The following LRRC28 variants were observed in gnomAD, a reference collection of about 807,000 sequenced individuals.
LRRC28 encodes the protein leucine rich repeat containing 28, also known as leucine-rich repeat-containing protein 28.
A neutral mutation model predicts 45.7 loss-of-function variants in LRRC28; 39 were observed. That is an observed-to-expected ratio of 0.85 (90% CI 0.66 to 1.12). LRRC28 has a LOEUF of 1.12. Among genes scored for constraint, LRRC28 ranks in the 50% most tolerant of loss-of-function variants. LRRC28 has a pLI of 0.00. For missense variants in LRRC28, 435 were observed against 438.5 expected (o/e 0.99, Z 0.07); for synonymous variants, 206 against 178.8 (o/e 1.15, Z -1.22).
intron 5 of LRRC28, among the ~76,000 whole-genome samples, chr15:99,297,064 C>T (rs1376492974): frequency 6.6e-6 from 1 of 151,452 alleles, no homozygotes; most frequent in Non-Finnish European, 1.5e-5. Context: ...GCCTGTAATC[C>T]CAGCTATTCC....
intron 9 of LRRC28, among the ~76,000 whole-genome samples, chr15:99,382,061 C>G (rs1957845046): frequency 6.6e-6 from 1 of 152,258 alleles, no homozygotes; most frequent in African/African-American, 2.4e-5. Context: ...TCAAAGCTGT[C>G]AGACAGGGAC....
intron 3 of LRRC28, among the ~76,000 whole-genome samples, chr15:99,281,402 C>T (rs2081787230): frequency 6.6e-6 from 1 of 151,820 alleles, no homozygotes; most frequent in Non-Finnish European, 1.5e-5. Flanking sequence ...TGGGAGTGAG[C>T]CACTGTGCCC....
intron 6 of LRRC28, among the ~76,000 whole-genome samples, chr15:99,346,995 A>T (rs368376548): frequency 6.6e-6 from 1 of 152,206 alleles, no homozygotes; most frequent in African/African-American, 2.4e-5. Context: ...ACAAATGAAC[A>T]TATCTATCAT....
At chr15:99,340,210 T>C (rs909232067) in intron 6 of LRRC28, among the ~76,000 whole-genome samples, 6 of 152,214 alleles carry the variant, frequency 3.9e-5, no homozygotes, top group African/African-American at 1.4e-4. Context: ...CACTTGTATT[T>C]GTTTGTAGGA....
intron 5 of LRRC28, among the ~76,000 whole-genome samples, chr15:99,292,162 T>G (rs1186075631): frequency 5.9e-5 from 9 of 152,176 alleles, no homozygotes; most frequent in Non-Finnish European, 7.4e-5. Context: ...TGATGGTGGG[T>G]CTTGCCTGTG....
intron 2 of LRRC28, among the ~76,000 whole-genome samples, chr15:99,263,169 A>T (rs28425612): frequency 7.2e-6 from 1 of 139,210 alleles, no homozygotes; most frequent in East Asian, 2.2e-4. Context: ...AAAAAAAAAA[A>T]TAGCTGGTTG....
chr15:99,262,331 C>CA (rs1300807297), intron 2 of LRRC28, among the ~76,000 whole-genome samples: 1 of 152,034 alleles, frequency 6.6e-6, no homozygotes, highest in East Asian at 1.9e-4. Context: ...CCTGTAATCC[C>CA]AGCATTTTGG....
intron 6 of LRRC28, among the ~76,000 whole-genome samples, chr15:99,343,117 A>G (rs902258849): frequency 6.6e-6 from 1 of 152,268 alleles, no homozygotes; most frequent in African/African-American, 2.4e-5. Flanking sequence ...GACTAATAAT[A>G]TCTCTGATTT....
At position 99,352,425 on chromosome 15, in the gene LRRC28, A is replaced by G. The variant is rs2152316438; in HGVS notation, c.649A>G (p.Lys217Glu). The change falls in exon 7 of 10, where the codon AAA (lysine) becomes GAA (glutamate). Residue 217 changes from lysine to glutamate, a missense_variant. By Grantham distance (56) the Lys-to-Glu change is moderately conservative. Transcript: ENST00000301981. ...YVYVDNNIHL[K>E]GLPSYLYNKV... Reference sequence around the variant, plus strand: ...ATACGTGGATAACAACATTCACCTGAAAGGCTTGCCATCTTATCTGTACAA... The same window carrying G: ...ATACGTGGATAACAACATTCACCTGGAAGGCTTGCCATCTTATCTGTACAA... 1 of 1,614,100 alleles carries G rather than the reference A, an allele frequency of 6.2e-7. No individual in the cohort carries two copies. Among genetic ancestry groups the G allele is most frequent in the African/African-American group, 1.3e-5 (1 of 75,058 alleles).
chr15:99,277,270 C>T (rs1444819766), intron 3 of LRRC28, among the ~76,000 whole-genome samples: 2 of 152,164 alleles, frequency 1.3e-5, no homozygotes, highest in African/African-American at 4.8e-5. Context: ...GAAAGCTAGC[C>T]TTATACTCCC....
chr15:99,371,035 G>A (rs1012948793), intron 9 of LRRC28, among the ~76,000 whole-genome samples: 20 of 152,334 alleles, frequency 1.3e-4, no homozygotes, highest in African/African-American at 4.8e-4. Context: ...GAACCTGGGA[G>A]ACAGAGGTTG....
chr15:99,280,569 A>G (rs1034275699), intron 3 of LRRC28, among the ~76,000 whole-genome samples: 4 of 152,130 alleles, frequency 2.6e-5, no homozygotes, highest in African/African-American at 7.2e-5. Flanking sequence ...CTGAAGAAAC[A>G]TCTACAGTTG....
chr15:99,261,489 C>T (rs1483348858), intron 2 of LRRC28, among the ~76,000 whole-genome samples: 1 of 152,086 alleles, frequency 6.6e-6, no homozygotes, highest in Non-Finnish European at 1.5e-5. Flanking sequence ...CCTGGGTTCG[C>T]AGATGGTGCC....
intron 3 of LRRC28, chr15:99,286,730 A>G (rs1043095024): frequency 2.6e-5 from 4 of 152,268 alleles, no homozygotes; most frequent in Non-Finnish European, 4.4e-5. Flanking sequence ...TTCTTTTGCC[A>G]TGAAATAAAT....
intron 8 of LRRC28, among the ~76,000 whole-genome samples, chr15:99,362,694 TA>T (rs1957236949): frequency 6.6e-6 from 1 of 152,226 alleles, no homozygotes; most frequent in African/African-American, 2.4e-5. Flanking sequence ...GGATTGATAC[TA>T]AATGCCTGAT....
intron 6 of LRRC28, among the ~76,000 whole-genome samples, chr15:99,351,319 G>A (rs764501952): frequency 4.6e-5 from 7 of 152,152 alleles, no homozygotes; most frequent in Admixed American, 6.5e-5. Flanking sequence ...ATCTCCATCC[G>A]TACTTTCAGC....
At chr15:99,346,112 G>C (rs1956673032) in intron 6 of LRRC28, among the ~76,000 whole-genome samples, 1 of 152,202 alleles carries the variant, frequency 6.6e-6, no homozygotes, top group Non-Finnish European at 1.5e-5. Flanking sequence ...TTCCTGAGTA[G>C]GTGGGACTCT....
In LRRC28 at chr15:99,255,897, G is replaced by T; in HGVS notation, c.-60-1G>T. 3 of 1,512,140 alleles carry T rather than the reference G, an allele frequency of 2.0e-6. No individual in the cohort carries two copies. Among genetic ancestry groups the T allele is most frequent in the East Asian group, 2.3e-5 (1 of 42,844 alleles). 93.7% of individuals were successfully genotyped at this position (1,512,140 alleles called of 1,614,324 possible). On this transcript the variant is annotated splice_acceptor_variant, in intron 1 of 9. Transcript: ENST00000301981. LOFTEE classifies it low-confidence loss of function (5UTR_SPLICE). ...AATAAATTTTCTCGTTCTCTTTATA[G>T]AAATGGACCAATTTTGACAAGATAT...
At chr15:99,357,797 A>C (rs1341366083) in intron 7 of LRRC28, among the ~76,000 whole-genome samples, 1 of 152,126 alleles carries the variant, frequency 6.6e-6, no homozygotes, top group Non-Finnish European at 1.5e-5. Context: ...TGTTAAGAGA[A>C]ACTTTTGATG....
Sources: allele counts gnomAD v4.1 joint callset (sites outside exome capture counted in the v4.1 genomes callset), GRCh38; gene constraint gnomAD v4.1.1; transcripts MANE v1.5; gene names NCBI Gene and HGNC (gene_info 2026-07-23, HGNC 2026-07-21).